The following ANKFN1 variants were observed in gnomAD, a reference collection of about 807,000 sequenced individuals.
The protein encoded by ANKFN1 is ankyrin repeat and fibronectin type-III domain-containing protein 1.
Under a neutral mutation model 108.7 loss-of-function variants are expected in ANKFN1, and 74 were observed. The observed-to-expected ratio is 0.68, with a 90% confidence interval of 0.56 to 0.83. The LOEUF is 0.83. ANKFN1 is among the 40% of genes least tolerant of loss of function. The probability of loss-of-function intolerance (pLI) is 0.00; values close to 1 mark genes in which losing one functional copy is unlikely to be tolerated. For synonymous variants in ANKFN1, 547 were observed against 516.2 expected, an observed-to-expected ratio of 1.06 and a Z score of -0.81; for missense variants, 1,505 against 1,382.3, an observed-to-expected ratio of 1.09 and a Z score of -1.41.
chr17:56,193,250 G>T lies in ANKFN1; in HGVS notation c.-70-19348G>T, dbSNP rs1311451626. 1.4e-3 allele frequency among the ~76,000 whole-genome samples: 172 copies of T among 120,296 alleles called. 1 individual carries two copies. Among genetic ancestry groups the T allele is most frequent in the African/African-American group, 5.1e-3 (159 of 31,274 alleles). 78.9% of individuals were successfully genotyped at this position (120,296 alleles called of 152,430 possible). A position where few individuals can be genotyped will look rare whatever the true frequency, so the allele number is the denominator to read the frequency against. ...GGGAATATCACACTCTGGGGACTGT[G>T]GTGGGGAGGGGGGAGGGGGGAGGGA... On this transcript the variant is annotated intron_variant, in intron 1 of 20. Coordinates refer to ENST00000682825, the MANE Select transcript of ANKFN1 (RefSeq NM_001370326.1).
intron 8 of ANKFN1, among the ~76,000 whole-genome samples, chr17:56,388,583 G>C (rs765731788): frequency 6.6e-6 from 1 of 152,054 alleles, no homozygotes; most frequent in Non-Finnish European, 1.5e-5. Flanking sequence ...TACATTATGA[G>C]TGTGCACATT....
intron 1 of ANKFN1, among the ~76,000 whole-genome samples, chr17:56,173,735 T>C (rs1910881863): frequency 6.6e-6 from 1 of 152,162 alleles, no homozygotes. Flanking sequence ...ACGCTGGGAT[T>C]CCAGGTGTAA....
intron 4 of ANKFN1, among the ~76,000 whole-genome samples, chr17:56,099,654 G>A (rs1905600487): frequency 2.6e-5 from 4 of 152,198 alleles, no homozygotes; most frequent in Non-Finnish European, 4.4e-5. Flanking sequence ...CTTAAAGAAC[G>A]AGTAGAAATT....
chr17:56,255,965 G>A (rs1409570469), intron 3 of ANKFN1, among the ~76,000 whole-genome samples: 1 of 151,964 alleles, frequency 6.6e-6, no homozygotes, highest in Non-Finnish European at 1.5e-5. Flanking sequence ...CTTGAGACCG[G>A]GAGTTCCAGA....
chr17:56,469,971 T>A (rs1005546319), intron 15 of ANKFN1, among the ~76,000 whole-genome samples: 2 of 151,950 alleles, frequency 1.3e-5, no homozygotes, highest in African/African-American at 4.8e-5. Context: ...CCAATGTAGG[T>A]TGTTCCCCTC....
chr17:56,449,172 A>G lies in ANKFN1; in HGVS notation c.1193A>G (p.His398Arg), dbSNP rs149587422. The G allele has an allele frequency of 3.2e-5, 52 of 1,613,114 alleles. No individual in the cohort carries two copies. In the African/African-American group the frequency reaches 4.9e-4, roughly 15 times the overall value. ...LLQQVRALHQHYSCRESTKLQ... is the reference protein window; with the variant it reads ...LLQQVRALHQRYSCRESTKLQ... ...CAGCAGGTCCGAGCCCTTCATCAGCATTACAGTTGCCGGGGTAAGGATAAA... is the reference window on the plus strand; with the variant it reads ...CAGCAGGTCCGAGCCCTTCATCAGCGTTACAGTTGCCGGGGTAAGGATAAA... The change falls in exon 11 of 21, where the codon CAT becomes CGT. Residue 398 changes from histidine (H) to arginine (R), a missense_variant. Coordinates refer to ENST00000682825, the MANE Select transcript of ANKFN1 (RefSeq NM_001370326.1).
chr17:56,289,875 T>TTG (rs751342444), intron 3 of ANKFN1, among the ~76,000 whole-genome samples: 1 of 152,172 alleles, frequency 6.6e-6, no homozygotes, highest in Non-Finnish European at 1.5e-5. Context: ...GAACAGCACT[T>TTG]TGTGTTTTCC....
chr17:56,058,176 C>G (rs543999999), intron 4 of ANKFN1, among the ~76,000 whole-genome samples: 2 of 152,314 alleles, frequency 1.3e-5, no homozygotes, highest in East Asian at 3.9e-4. Flanking sequence ...GCATTGGTCT[C>G]TAACAAGAGA....
At chr17:56,423,431 C>G (rs9896904) in intron 8 of ANKFN1, among the ~76,000 whole-genome samples, 13,750 of 152,144 alleles carry the variant, frequency 0.09, 739 homozygotes, top group African/African-American at 0.16. Context: ...CTCCAATGAC[C>G]CTCCTTACAC....
At chr17:56,048,619 C>T (rs1904720488) in intron 4 of ANKFN1, among the ~76,000 whole-genome samples, 1 of 152,194 alleles carries the variant, frequency 6.6e-6, no homozygotes, top group Non-Finnish European at 1.5e-5. Context: ...TTCACTCTGT[C>T]CATGACAGGC....
At chr17:56,435,145 G>A (rs146518332) in intron 8 of ANKFN1, among the ~76,000 whole-genome samples, 41 of 152,114 alleles carry the variant, frequency 2.7e-4, no homozygotes, top group African/African-American at 9.6e-4. Flanking sequence ...TTTTCCCTCC[G>A]TTCTGACACA....
At chr17:56,090,461 T>A (rs1905391237) in intron 4 of ANKFN1, among the ~76,000 whole-genome samples, 1 of 151,280 alleles carries the variant, frequency 6.6e-6, no homozygotes, top group Admixed American at 6.6e-5. Context: ...TTTCCCAATC[T>A]ACAAGAAAAT....
intron 4 of ANKFN1, among the ~76,000 whole-genome samples, chr17:56,123,795 TTGTGTGTG>T (rs58283151): frequency 4.1e-5 from 6 of 144,708 alleles, no homozygotes; most frequent in East Asian, 2.1e-4. Context: ...GCATGACTGA[TTGTGTGTG>T]TGTGTGTGTG....
At chr17:56,303,185 A>G (rs977575259) in intron 3 of ANKFN1, among the ~76,000 whole-genome samples, 1 of 152,228 alleles carries the variant, frequency 6.6e-6, no homozygotes, top group Non-Finnish European at 1.5e-5. Context: ...AAAAGCCAAC[A>G]ATTCCATTAG....
chr17:56,050,994 G>A (rs1456737558), intron 4 of ANKFN1, among the ~76,000 whole-genome samples: 191 of 124,726 alleles, frequency 1.5e-3, no homozygotes, highest in African/African-American at 5.8e-3. Flanking sequence ...GAGGTACAAG[G>A]AGGAACTGGT....
intron 1 of ANKFN1, among the ~76,000 whole-genome samples, chr17:56,183,452 T>C (rs1911880088): frequency 6.6e-6 from 1 of 152,140 alleles, no homozygotes; most frequent in Admixed American, 6.6e-5. Flanking sequence ...GGTGATTGGA[T>C]CATGCGGGCA....
intron 18 of ANKFN1, among the ~76,000 whole-genome samples, chr17:56,486,692 A>T (rs2145396655): frequency 6.6e-6 from 1 of 152,330 alleles, no homozygotes; most frequent in South Asian, 2.1e-4. Flanking sequence ...GGGTCAAGAG[A>T]TACACTAAGC....
chr17:56,451,995 T>A (rs775152455), intron 11 of ANKFN1, among the ~76,000 whole-genome samples: 15 of 152,206 alleles, frequency 9.9e-5, no homozygotes, highest in Non-Finnish European at 1.9e-4. Flanking sequence ...CTGATCTGCA[T>A]GCTTAGTATT....
intron 4 of ANKFN1, among the ~76,000 whole-genome samples, chr17:56,051,832 G>A (rs1904781350): frequency 6.6e-6 from 1 of 151,364 alleles, no homozygotes; most frequent in Non-Finnish European, 1.5e-5. Context: ...GCTTCAAAGA[G>A]AATAAAATAC....
Sources: allele counts gnomAD v4.1 joint callset (sites outside exome capture counted in the v4.1 genomes callset), GRCh38; gene constraint gnomAD v4.1.1; transcripts MANE v1.5; gene names NCBI Gene and HGNC (gene_info 2026-07-23, HGNC 2026-07-21).